ANO3: variants seen among roughly 807,000 people sequenced by gnomAD.
ANO3 encodes the protein anoctamin-3.
ANO3 carries 99 observed loss-of-function variants against 144.8 expected under a neutral mutation model. The observed-to-expected ratio is 0.68, with a 90% confidence interval of 0.58 to 0.81. The LOEUF (loss-of-function observed/expected upper bound fraction) is 0.81, where lower values mean the gene tolerates loss of function less well. Ranked by LOEUF, ANO3 falls within the 30% of genes least tolerant of loss-of-function variation. ANO3 has a pLI of 0.00. For missense variants in ANO3, 905 were observed against 1,202.2 expected (o/e 0.75, Z 3.66); for synonymous variants, 414 against 392.6 (o/e 1.05, Z -0.64).
At chr11:26,217,196 T>G (rs550820540) in intron 1 of ANO3, among the ~76,000 whole-genome samples, 1 of 152,184 alleles carries the variant, frequency 6.6e-6, no homozygotes, top group South Asian at 2.1e-4. Context: ...AGTTTTGTAT[T>G]TTACATTTAC....
chr11:26,416,424 C>T (rs964480943), intron 1 of ANO3, among the ~76,000 whole-genome samples: 4 of 149,978 alleles, frequency 2.7e-5, no homozygotes, highest in Non-Finnish European at 5.9e-5. Context: ...TTTTTTTTTT[C>T]TTTCTTTCTT....
intron 26 of ANO3, among the ~76,000 whole-genome samples, chr11:26,656,904 A>G (rs17309272): frequency 0.031 from 4,650 of 152,276 alleles, 101 homozygotes; most frequent in Non-Finnish European, 0.049. Flanking sequence ...TGTAAGCAAC[A>G]CTGGATGGTT....
intron 1 of ANO3, among the ~76,000 whole-genome samples, chr11:26,251,190 A>G (rs1045929164): frequency 4.6e-5 from 7 of 152,244 alleles, no homozygotes; most frequent in Non-Finnish European, 1.0e-4. Flanking sequence ...TATAAAACAC[A>G]CAAAACACTT....
Position 26,656,259 on chromosome 11 carries a change from C to T in ANO3, c.2657+54C>T, listed in dbSNP as rs370814112. 25 of 1,527,816 alleles carry T rather than the reference C, an allele frequency of 1.6e-5. No individual in the cohort carries two copies. In the South Asian group the frequency reaches 2.5e-4, roughly 15 times the overall value. The allele number at this position is 1,527,816 out of a possible 1,614,324, so 94.6% of individuals were successfully genotyped here. A position where few individuals can be genotyped will look rare whatever the true frequency, so the allele number is the denominator to read the frequency against. On this transcript the variant is annotated intron_variant, in intron 25 of 26. Coordinates refer to ENST00000256737, the MANE Select transcript of ANO3 (RefSeq NM_031418.4). The stretch of plus-strand genomic sequence containing the variant: ...GCTTTCACCATTCCAAGTACTCCCC[C>T]CTGCATGTTAATGAGGACATTTAAA...
intron 18 of ANO3, among the ~76,000 whole-genome samples, chr11:26,628,103 A>AT (rs1300146934): frequency 4.6e-5 from 7 of 152,080 alleles, no homozygotes; most frequent in African/African-American, 1.7e-4. Flanking sequence ...CTTCAAAGTG[A>AT]TTTTTTGAAC....
intron 1 of ANO3, among the ~76,000 whole-genome samples, chr11:26,233,038 A>G (rs1046728752): frequency 2.0e-5 from 3 of 152,040 alleles, no homozygotes; most frequent in African/African-American, 7.2e-5. Context: ...AACACGGTGA[A>G]ACCCCGTCTC....
chr11:26,265,776 T>C (rs1853295054), intron 1 of ANO3, among the ~76,000 whole-genome samples: 1 of 152,192 alleles, frequency 6.6e-6, no homozygotes, highest in African/African-American at 2.4e-5. Context: ...AGTCCACTTC[T>C]CAAACTTCAA....
chr11:26,296,798 AAGG>A (rs1854100344), intron 1 of ANO3, among the ~76,000 whole-genome samples: 2 of 152,282 alleles, frequency 1.3e-5, no homozygotes, highest in Admixed American at 1.3e-4. Context: ...TATATCAGCG[AAGG>A]AGACAGCTTT....
chr11:26,496,163 A>G (rs1860931773), intron 4 of ANO3, among the ~76,000 whole-genome samples: 1 of 152,116 alleles, frequency 6.6e-6, no homozygotes, highest in Admixed American at 6.6e-5. Flanking sequence ...AATAAATTCA[A>G]CCTGCCCTTG....
intron 4 of ANO3, among the ~76,000 whole-genome samples, chr11:26,505,011 C>CAAA (rs61530995): frequency 6.3e-5 from 4 of 63,686 alleles, no homozygotes; most frequent in African/African-American, 2.6e-4. Flanking sequence ...GACTCCACCT[C>CAAA]AAAAAAAAAA....
At chr11:26,496,320 C>G (rs1860938302) in intron 4 of ANO3, among the ~76,000 whole-genome samples, 1 of 152,148 alleles carries the variant, frequency 6.6e-6, no homozygotes, top group Admixed American at 6.5e-5. Context: ...ATATCTGATG[C>G]ACACTGGGCT....
intron 17 of ANO3, among the ~76,000 whole-genome samples, chr11:26,610,807 G>A (rs1852078042): frequency 6.6e-6 from 1 of 151,974 alleles, no homozygotes. Flanking sequence ...TACTGATTCA[G>A]TTTCCTCACT....
rs1255218260 is a variant in ANO3, at chr11:26,635,082, T to C, written c.2043+12T>C. The stretch of plus-strand genomic sequence containing the variant: ...GGAGACTGGAGGAAGTAAGTAACTT[T>C]GGGAGTGTGGGTGCAGGAATGGGCA... On this transcript the variant is annotated intron_variant, in intron 20 of 26. Transcript: ENST00000256737. 1 of 1,612,588 alleles carries C rather than the reference T, an allele frequency of 6.2e-7. No individual in the cohort carries two copies. The highest frequency in any genetic ancestry group is 1.7e-5 in the Admixed American group (1 of 60,002).
chr11:26,350,861 C>A (rs1348214632), intron 1 of ANO3, among the ~76,000 whole-genome samples: 1 of 151,926 alleles, frequency 6.6e-6, no homozygotes, highest in African/African-American at 2.4e-5. Flanking sequence ...CCTTATATTT[C>A]TTTATTAGGG....
At chr11:26,439,983 C>A (rs1015967149) in intron 1 of ANO3, among the ~76,000 whole-genome samples, 2 of 152,124 alleles carry the variant, frequency 1.3e-5, no homozygotes, top group Admixed American at 1.3e-4. Flanking sequence ...AATAAAGGCA[C>A]CAACCACAAA....
In ANO3 at chr11:26,364,019, A is replaced by T. The variant is rs1449330686; in HGVS notation, c.46+31698A>T. Among the ~76,000 whole-genome samples the T allele has an allele frequency of 2.6e-5, 4 of 152,266 alleles. No individual in the cohort carries two copies. The East Asian group carries it at 7.7e-4, about 29-fold the overall frequency. On this transcript the variant is annotated intron_variant, in intron 1 of 26. Transcript: ENST00000256737. ...TTTATAGTAGGGGTGAGGGTACATTAATTTGTGATATTACTTAGAAGAATA... is the reference window on the plus strand; with the variant it reads ...TTTATAGTAGGGGTGAGGGTACATTTATTTGTGATATTACTTAGAAGAATA...
At chr11:26,508,047 C>T (rs1861505369) in intron 4 of ANO3, 57 bp from the exon 5 acceptor site, 1 of 1,498,658 alleles carries the variant, frequency 6.7e-7, no homozygotes, top group South Asian at 1.3e-5. Context: ...GTAACTGTAA[C>T]TAAAACATAC....
intron 11 of ANO3, among the ~76,000 whole-genome samples, chr11:26,543,988 T>G (rs1161482968): frequency 1.3e-5 from 2 of 151,804 alleles, no homozygotes; most frequent in Admixed American, 1.3e-4. Flanking sequence ...CTTAGTCTGA[T>G]GATCACAAGA....
At chr11:26,198,978 G>A (rs1313923183) in intron 1 of ANO3, among the ~76,000 whole-genome samples, 2 of 152,176 alleles carry the variant, frequency 1.3e-5, no homozygotes, top group East Asian at 1.9e-4. Flanking sequence ...TACAAAAGAT[G>A]CATGTTCTAA....
Sources: allele counts gnomAD v4.1 joint callset (sites outside exome capture counted in the v4.1 genomes callset), GRCh38; gene constraint gnomAD v4.1.1; transcripts MANE v1.5; gene names NCBI Gene and HGNC (gene_info 2026-07-23, HGNC 2026-07-21).